Variants in RBFOX1 observed in about 807,000 individuals in gnomAD.
RBFOX1 encodes RNA binding fox-1 homolog 1, also known as RNA binding protein fox-1 homolog 1.
RBFOX1 carries 8 observed loss-of-function variants against 57.7 expected under a neutral mutation model. That is an observed-to-expected ratio of 0.14 (90% confidence interval 0.08 to 0.25). The LOEUF (loss-of-function observed/expected upper bound fraction) is 0.25. Ranked by LOEUF, RBFOX1 falls within the 10% of genes least tolerant of loss-of-function variation. The pLI, the probability that RBFOX1 is intolerant of heterozygous loss-of-function variation, is 1.00. For synonymous variants in RBFOX1, 326 were observed against 222.4 expected, an observed-to-expected ratio of 1.47 and a Z score of -4.15; for missense variants, 611 against 548.5, an observed-to-expected ratio of 1.11 and a Z score of -1.14.
At chr16:5,309,262 C>A (rs1044468074) in intron 1 of RBFOX1, among the ~76,000 whole-genome samples, 1 of 152,132 alleles carries the variant, frequency 6.6e-6, no homozygotes, top group African/African-American at 2.4e-5. Context: ...AGGTTTTTCT[C>A]AGTCTCTTTT....
intron 4 of RBFOX1, among the ~76,000 whole-genome samples, chr16:7,417,754 A>G (rs569895183): frequency 6.6e-6 from 1 of 152,274 alleles, no homozygotes; most frequent in East Asian, 1.9e-4. Flanking sequence ...AGAATGCTAT[A>G]TAAAAAGTAT....
At chr16:7,093,848 C>G (rs2061263244) in intron 4 of RBFOX1, among the ~76,000 whole-genome samples, 1 of 151,920 alleles carries the variant, frequency 6.6e-6, no homozygotes, top group Non-Finnish European at 1.5e-5. Context: ...ATCATAAAGC[C>G]ACATCCATTT....
At chr16:7,346,605 A>G (rs1479651458) in intron 4 of RBFOX1, among the ~76,000 whole-genome samples, 1 of 151,712 alleles carries the variant, frequency 6.6e-6, no homozygotes, top group Non-Finnish European at 1.5e-5. Flanking sequence ...TTGCTGACAC[A>G]TCATGGTGTG....
chr16:6,248,828 T>G (rs893758541), intron 1 of RBFOX1, among the ~76,000 whole-genome samples: 1 of 152,098 alleles, frequency 6.6e-6, no homozygotes, highest in Non-Finnish European at 1.5e-5. Context: ...CCACATGCAT[T>G]AGCTGTGAAT....
intron 3 of RBFOX1, among the ~76,000 whole-genome samples, chr16:5,649,806 A>G (rs1453648212): frequency 2.6e-5 from 4 of 152,204 alleles, no homozygotes; most frequent in Non-Finnish European, 4.4e-5. Context: ...CAACATGTAC[A>G]TGGGGTGGAT....
intron 2 of RBFOX1, among the ~76,000 whole-genome samples, chr16:6,452,087 G>T (rs2094640683): frequency 7.1e-6 from 1 of 140,022 alleles, no homozygotes; most frequent in African/African-American, 2.7e-5. Context: ...TCCATCCATG[G>T]CTCCTTCCTT....
chr16:7,574,422 G>C lies in RBFOX1; in HGVS notation c.271-5355G>C, dbSNP rs544213188. ...CCACAATAGGCCCTCTGTAAGCTGA[G>C]GAGCAAGGAAGTCAGGCTGGGTCCC... On this transcript the variant is annotated intron_variant, in intron 5 of 15. Coordinates refer to ENST00000550418, the MANE Select transcript of RBFOX1 (RefSeq NM_018723.4). 5.9e-5 allele frequency among the ~76,000 whole-genome samples: 9 copies of C among 152,280 alleles called. No homozygotes were observed. In the East Asian group the frequency reaches 1.5e-3, roughly 26 times the overall value.
chr16:6,693,452 C>T (rs951765128), intron 3 of RBFOX1, among the ~76,000 whole-genome samples: 19 of 151,800 alleles, frequency 1.3e-4, no homozygotes, highest in Non-Finnish European at 2.1e-4. Flanking sequence ...ACTACCATCA[C>T]CACCATCATC....
chr16:7,579,694 G>A, intron 5 of RBFOX1, 83 bp from the exon 6 acceptor site: 1 of 1,536,606 alleles, frequency 6.5e-7, no homozygotes, highest in Admixed American at 1.7e-5. Flanking sequence ...ATCTTTTCCT[G>A]CCACTCATGG....
chr16:6,947,930 C>G (rs1251446039), intron 3 of RBFOX1, among the ~76,000 whole-genome samples: 3 of 152,118 alleles, frequency 2.0e-5, no homozygotes, highest in East Asian at 1.9e-4. Flanking sequence ...GCTCAACCCA[C>G]CATGCCCAGC....
chr16:5,723,708 G>C (rs1298004009), intron 3 of RBFOX1, among the ~76,000 whole-genome samples: 2 of 152,144 alleles, frequency 1.3e-5, no homozygotes, highest in African/African-American at 4.8e-5. Context: ...GCAGTCTCAG[G>C]CTTGGGCTGG....
chr16:5,256,892 C>G (rs1321297160), intron 1 of RBFOX1, among the ~76,000 whole-genome samples: 1 of 151,874 alleles, frequency 6.6e-6, no homozygotes, highest in African/African-American at 2.4e-5. Context: ...TGAGATGGCG[C>G]CACTGCACTC....
chr16:6,163,986 T>A (rs766411535), intron 1 of RBFOX1, among the ~76,000 whole-genome samples: 2 of 152,230 alleles, frequency 1.3e-5, no homozygotes, highest in African/African-American at 4.8e-5. Context: ...AGACACAGAT[T>A]AACATATTGT....
At chr16:5,512,025 C>T (rs1370642032) in intron 2 of RBFOX1, among the ~76,000 whole-genome samples, 1 of 152,208 alleles carries the variant, frequency 6.6e-6, no homozygotes, top group African/African-American at 2.4e-5. Context: ...TTTCAAAGGA[C>T]CCCAAACCAC....
rs1597145678 is a variant in RBFOX1 at position 5,762,487 on chromosome 16, G to T, written c.319-104816G>T. On this transcript the variant is annotated intron_variant, in intron 3 of 19. Coordinates refer to the RBFOX1 transcript ENST00000641259. ...CTTTTGTGGGGCAGTTTGGCAATAAGACTAATATGCTCGTTTCAAAAGCCT... is the reference window on the plus strand; with the variant it reads ...CTTTTGTGGGGCAGTTTGGCAATAATACTAATATGCTCGTTTCAAAAGCCT... Among the ~76,000 whole-genome samples the T allele has an allele frequency of 2.0e-5, 3 of 152,214 alleles. No homozygotes were observed. The South Asian group carries it at 6.2e-4, about 32-fold the overall frequency.
chr16:6,036,307 G>A (rs957758750), intron 1 of RBFOX1, among the ~76,000 whole-genome samples: 2 of 152,206 alleles, frequency 1.3e-5, no homozygotes, highest in African/African-American at 4.8e-5. Flanking sequence ...ATGGAGGCCA[G>A]GCTGCTCTGG....
At chr16:6,297,457 A>G (rs2078258253) in intron 1 of RBFOX1, among the ~76,000 whole-genome samples, 1 of 152,094 alleles carries the variant, frequency 6.6e-6, no homozygotes, top group Admixed American at 6.5e-5. Context: ...TGGCCTTAGC[A>G]TTACTGTGAC....
chr16:7,225,854 G>T (rs897166307), intron 4 of RBFOX1, among the ~76,000 whole-genome samples: 8 of 146,316 alleles, frequency 5.5e-5, no homozygotes, highest in Admixed American at 5.4e-4. Flanking sequence ...GTATACATAT[G>T]TAACAAACCT....
At chr16:7,653,698 G>A in intron 11 of RBFOX1, 117 bp from the exon 12 acceptor site, 1 of 1,429,094 alleles carries the variant, frequency 7.0e-7, no homozygotes, top group Non-Finnish European at 9.4e-7. Context: ...CGGGAAGCGG[G>A]CGGGGGTCCT....
Sources: allele counts gnomAD v4.1 joint callset (sites outside exome capture counted in the v4.1 genomes callset), GRCh38; gene constraint gnomAD v4.1.1; transcripts MANE v1.5; gene names NCBI Gene and HGNC (gene_info 2026-07-23, HGNC 2026-07-21).